Variants in MACROD2 observed in about 807,000 individuals in gnomAD.
MACROD2 encodes ADP-ribose glycohydrolase MACROD2.
MACROD2 carries 36 observed loss-of-function variants against 70.4 expected under a neutral mutation model. The ratio of observed to expected loss-of-function variants is 0.51; its 90% CI spans 0.39 to 0.68. The LOEUF is 0.68. MACROD2 is among the 30% of genes least tolerant of loss of function. The pLI is 0.00. For missense variants in MACROD2, 496 were observed against 538.4 expected, an observed-to-expected ratio of 0.92 and a Z score of 0.78; for synonymous variants, 172 against 178.8, an observed-to-expected ratio of 0.96 and a Z score of 0.30.
chr20:14,765,261 T>C (rs2072071445), intron 5 of MACROD2, among the ~76,000 whole-genome samples: 1 of 151,994 alleles, frequency 6.6e-6, no homozygotes. Flanking sequence ...CCTACACCCA[T>C]CCTTACTCTC....
At chr20:14,156,475 G>A (rs1361523859) in intron 3 of MACROD2, among the ~76,000 whole-genome samples, 1 of 152,078 alleles carries the variant, frequency 6.6e-6, no homozygotes, top group Non-Finnish European at 1.5e-5. Context: ...GATTCTTGTA[G>A]TACCTAAAAT....
intron 7 of MACROD2, among the ~76,000 whole-genome samples, chr20:15,438,110 A>C (rs922337756): frequency 6.6e-6 from 1 of 151,988 alleles, no homozygotes; most frequent in African/African-American, 2.4e-5. Flanking sequence ...AGCCAAGATC[A>C]CACCATTGCA....
chr20:15,359,407 A>G (rs1211103948), intron 6 of MACROD2, among the ~76,000 whole-genome samples: 1 of 152,038 alleles, frequency 6.6e-6, no homozygotes, highest in Admixed American at 6.6e-5. Context: ...TCTGGCAGCC[A>G]TAAAATTATC....
At chr20:15,834,398 G>A (rs1253482391) in intron 8 of MACROD2, among the ~76,000 whole-genome samples, 2 of 152,090 alleles carry the variant, frequency 1.3e-5, no homozygotes, top group Non-Finnish European at 2.9e-5. Context: ...AGCATTTGTA[G>A]TTTTTCTCAA....
chr20:14,976,494 C>G (rs76662854), intron 5 of MACROD2, among the ~76,000 whole-genome samples: 2,627 of 152,276 alleles, frequency 0.017, 79 homozygotes, highest in African/African-American at 0.058. Context: ...ACTGGGCCCA[C>G]CTGTGTAATC....
At chr20:14,698,453 A>C (rs2071152557) in intron 5 of MACROD2, among the ~76,000 whole-genome samples, 1 of 152,184 alleles carries the variant, frequency 6.6e-6, no homozygotes, top group African/African-American at 2.4e-5. Flanking sequence ...ACTCCAAGTG[A>C]ACACTGAACA....
chr20:15,971,537 C>T (rs996546059), intron 13 of MACROD2, among the ~76,000 whole-genome samples: 1 of 152,158 alleles, frequency 6.6e-6, no homozygotes, highest in African/African-American at 2.4e-5. Context: ...CATTAAACCT[C>T]TTTTTCTTTA....
chr20:15,564,286 G>C (rs998634650), intron 8 of MACROD2, among the ~76,000 whole-genome samples: 3 of 152,070 alleles, frequency 2.0e-5, no homozygotes, highest in African/African-American at 4.8e-5. Flanking sequence ...GCTACCCGAC[G>C]TAACACTGGT....
At chr20:14,702,624 TAC>T (rs1331891762) in intron 5 of MACROD2, among the ~76,000 whole-genome samples, 2 of 59,138 alleles carry the variant, frequency 3.4e-5, no homozygotes, top group African/African-American at 5.8e-5. Context: ...TATATATATA[TAC>T]ATATATATAT....
intron 3 of MACROD2, among the ~76,000 whole-genome samples, chr20:14,432,724 A>G (rs566242573): frequency 6.6e-6 from 1 of 152,196 alleles, no homozygotes; most frequent in East Asian, 1.9e-4. Flanking sequence ...TCTGTAGTCA[A>G]TGTGAGCTCC....
At chr20:16,003,863 G>GT (rs1482490415) in intron 15 of MACROD2, among the ~76,000 whole-genome samples, 5 of 152,102 alleles carry the variant, frequency 3.3e-5, no homozygotes, top group Admixed American at 3.3e-4. Flanking sequence ...CAGAGACAGG[G>GT]TTTCACCATG....
At chr20:15,779,129 GT>G (rs1025636865) in intron 8 of MACROD2, among the ~76,000 whole-genome samples, 4 of 152,058 alleles carry the variant, frequency 2.6e-5, no homozygotes, top group African/African-American at 9.7e-5. Context: ...GATCCCAGGA[GT>G]TACCTGGAGA....
chr20:14,590,922 C>CA (rs762972348), intron 4 of MACROD2, among the ~76,000 whole-genome samples: 28 of 151,984 alleles, frequency 1.8e-4, no homozygotes, highest in Non-Finnish European at 3.7e-4. Flanking sequence ...CATTAGGTCT[C>CA]AAAATCTTAG....
At chr20:15,813,383 T>C (rs1165681542) in intron 8 of MACROD2, among the ~76,000 whole-genome samples, 2 of 152,224 alleles carry the variant, frequency 1.3e-5, no homozygotes, top group Admixed American at 1.3e-4. Flanking sequence ...ATTGATTTCC[T>C]ATGAGAAACT....
At chr20:15,796,481 TTAAA>T (rs2063675207) in intron 8 of MACROD2, among the ~76,000 whole-genome samples, 1 of 152,258 alleles carries the variant, frequency 6.6e-6, no homozygotes, top group Non-Finnish European at 1.5e-5. Flanking sequence ...GAGTATGCAA[TTAAA>T]TAAAGAAGTT....
intron 8 of MACROD2, among the ~76,000 whole-genome samples, chr20:15,840,755 C>A (rs1293029679): frequency 6.6e-6 from 1 of 152,008 alleles, no homozygotes; most frequent in South Asian, 2.1e-4. Context: ...TTGACTAACT[C>A]TACTGGAAAA....
intron 10 of MACROD2, among the ~76,000 whole-genome samples, chr20:15,926,604 T>A (rs1033483053): frequency 3.3e-5 from 5 of 152,060 alleles, no homozygotes; most frequent in African/African-American, 1.2e-4. Flanking sequence ...GATGATGCAA[T>A]TTTAAATGGA....
At chr20:14,092,771 CAAA>C (rs2054168498) in intron 3 of MACROD2, among the ~76,000 whole-genome samples, 1 of 152,128 alleles carries the variant, frequency 6.6e-6, no homozygotes, top group Admixed American at 6.6e-5. Context: ...AGTTCTCGCA[CAAA>C]ATATGTACTT....
chr20:14,215,222 T>TTTCCATCATATATATA (rs1408123438), intron 3 of MACROD2, among the ~76,000 whole-genome samples: 2 of 145,502 alleles, frequency 1.4e-5, no homozygotes, highest in African/African-American at 2.8e-5. Context: ...ATATATATAT[T>TTTCCATCATATATATA]TTCCATCATA....
Sources: allele counts gnomAD v4.1 joint callset (sites outside exome capture counted in the v4.1 genomes callset), GRCh38; gene constraint gnomAD v4.1.1; transcripts MANE v1.5; gene names NCBI Gene and HGNC (gene_info 2026-07-23, HGNC 2026-07-21).